HECA: variants seen among roughly 807,000 people sequenced by gnomAD.
The protein encoded by HECA is HECA ribonucleoprotein granule regulator, also known as headcase protein homolog.
A neutral mutation model predicts 37.6 loss-of-function variants in HECA; 13 were observed. The ratio of observed to expected loss-of-function variants is 0.35; its 90% CI spans 0.23 to 0.55. The LOEUF is 0.55. Among genes scored for constraint, HECA ranks in the 20% least tolerant of loss-of-function variants. HECA has a pLI of 0.90. For synonymous variants in HECA, 307 were observed against 291.5 expected, an observed-to-expected ratio of 1.05 and a Z score of -0.54; for missense variants, 527 against 701.9, an observed-to-expected ratio of 0.75 and a Z score of 2.82.
intron 1 of HECA, among the ~76,000 whole-genome samples, chr6:139,140,120 C>G (rs903957445): frequency 1.3e-5 from 2 of 152,156 alleles, no homozygotes. Flanking sequence ...ACTAAAGACA[C>G]TTTTTATAAC....
intron 1 of HECA, among the ~76,000 whole-genome samples, chr6:139,155,210 C>T (rs9403046): frequency 0.71 from 108,073 of 152,110 alleles, 39,651 homozygotes; most frequent in African/African-American, 0.86. Context: ...AACACAATGG[C>T]ATTTATGCAT....
chr6:139,145,600 A>C (rs1774576016), intron 1 of HECA, among the ~76,000 whole-genome samples: 1 of 152,220 alleles, frequency 6.6e-6, no homozygotes. Context: ...TCTTAGGCTT[A>C]GTGATTGAGG....
intron 1 of HECA, among the ~76,000 whole-genome samples, chr6:139,151,865 A>G (rs995931789): frequency 1.3e-5 from 2 of 152,202 alleles, no homozygotes; most frequent in Admixed American, 1.3e-4. Context: ...CAGCCTCTCC[A>G]TATAAGCTGG....
rs754422841 is a variant in HECA, at chr6:139,167,028, C to T, written c.1016C>T (p.Thr339Ile). The T allele has an allele frequency of 2.5e-6, 4 of 1,614,184 alleles. No individual in the cohort carries two copies. In the South Asian group the frequency reaches 4.4e-5, roughly 18 times the overall value. ...GTTCACAGGGGGGGACACTTCGACA[C>T]CCCCGTGCAGTTCCTTCGGCGGCTG... ...LAVHRGGHFD[T>I]PVQFLRRLDL... The change falls in exon 2 of 4, where the codon ACC becomes ATC. Residue 339 changes from threonine (T) to isoleucine (I), a missense_variant. By Grantham distance (89) the Thr-to-Ile change is moderately conservative. Coordinates refer to ENST00000367658, the MANE Select transcript of HECA (RefSeq NM_016217.3).
chr6:139,167,207 G>T lies in HECA; in HGVS notation c.1195G>T (p.Ala399Ser). Residue 399 changes from alanine (A) to serine (S), a missense_variant, in exon 2 of 4, where the codon GCC becomes TCC. Transcript: ENST00000367658. ...SASHRNVVNC[A>S]LCHRALPVFE... ...CAGCCACAGAAACGTGGTAAACTGT[G>T]CCCTGTGCCACCGGGCGCTCCCGGT... 1 of 1,614,134 alleles carries T rather than the reference G, an allele frequency of 6.2e-7. No homozygotes were observed. Among genetic ancestry groups the T allele is most frequent in the Non-Finnish European group, 8.5e-7 (1 of 1,180,024 alleles).
intron 1 of HECA, among the ~76,000 whole-genome samples, chr6:139,150,544 AT>A (rs1460884602): frequency 2.2e-4 from 34 of 151,344 alleles, no homozygotes; most frequent in East Asian, 1.9e-3. Context: ...AATTTTAAAT[AT>A]TTTTTTCTTG....
At position 139,166,576 on chromosome 6, in the gene HECA, C is replaced by T; in HGVS notation, c.564C>T (p.Asp188=). 1 of 1,614,244 alleles carries T rather than the reference C, an allele frequency of 6.2e-7. No individual in the cohort carries two copies. The highest frequency in any genetic ancestry group is 1.3e-5 in the African/African-American group (1 of 75,068). ...CRCGQGHLKK[D]TDWYQVKRMQ... ...GTGGCCAGGGCCACTTGAAGAAGGA[C>T]ACAGACTGGTATCAGGTGAAGCGGA... The change falls in exon 2 of 4, where the codon GAC becomes GAT. Residue 188 remains aspartate (D), a synonymous_variant. Coordinates refer to ENST00000367658, the MANE Select transcript of HECA (RefSeq NM_016217.3).
At chr6:139,156,346 G>A (rs1489228896) in intron 1 of HECA, among the ~76,000 whole-genome samples, 1 of 152,112 alleles carries the variant, frequency 6.6e-6, no homozygotes, top group Non-Finnish European at 1.5e-5. Flanking sequence ...GGGACTACAG[G>A]CACGTGCCAC....
rs1466946922 is a variant in HECA, at chr6:139,179,169, ATC to A, written c.*2067_*2068del. On this transcript the variant is annotated 3_prime_UTR_variant, in exon 4 of 4. Transcript: ENST00000367658. ...ACAAAGCTGTAGTGGTGAATTAACT[ATC>A]TCCTTATTGATTCTCTCCTGTACCC... is the stretch of plus-strand genomic sequence containing the variant. 4 of 152,206 alleles carry A rather than the reference ATC, an allele frequency of 2.6e-5. No homozygotes were observed. Among genetic ancestry groups the A allele is most frequent in the African/African-American group, 9.6e-5 (4 of 41,460 alleles). 9.4% of individuals were successfully genotyped at this position (152,206 alleles called of 1,614,324 possible).
Position 139,135,542 on chromosome 6 carries a change from G to A in HECA, c.146G>A (p.Gly49Asp). Reference sequence around the variant, plus strand: ...GGGGGGGCCCTGGCGGCGGCGGCCGGTTGCGGGGCGGCGGCGGCGGGCGCG... The same window carrying A: ...GGGGGGGCCCTGGCGGCGGCGGCCGATTGCGGGGCGGCGGCGGCGGGCGCG... ...AAGGALAAAA[G>D]CGAAAAGAPG... Residue 49 changes from glycine to aspartate, a missense_variant, in exon 1 of 4, where the codon GGT becomes GAT. Around this residue, in one of 4 missense-constraint regions of HECA, gnomAD observed 172 missense variants for 197.6 expected, o/e 0.87. Transcript: ENST00000367658. 7.2e-6 allele frequency: 7 copies of A among 977,416 alleles called. No individual in the cohort carries two copies. The highest frequency in any genetic ancestry group is 8.5e-6 in the Non-Finnish European group (7 of 826,470). The allele number at this position is 977,416 out of a possible 1,614,324, so 60.5% of individuals were successfully genotyped here. A position where few individuals can be genotyped will look rare whatever the true frequency, so the allele number is the denominator to read the frequency against.
chr6:139,167,418 G>T, intron 2 of HECA, 94 bp downstream of exon 2: 2 of 1,100,524 alleles, frequency 1.8e-6, no homozygotes, highest in East Asian at 2.4e-5. Flanking sequence ...GTTTTCACCA[G>T]TGTTGTTTTT....
At chr6:139,152,826 G>A (rs4896438) in intron 1 of HECA, among the ~76,000 whole-genome samples, 3 of 152,136 alleles carry the variant, frequency 2.0e-5, no homozygotes, top group South Asian at 2.1e-4. Context: ...AATACTTGCC[G>A]GTTAATCAGG....
chr6:139,157,413 T>TG (rs1774732468), intron 1 of HECA, among the ~76,000 whole-genome samples: 1 of 152,360 alleles, frequency 6.6e-6, no homozygotes, highest in South Asian at 2.1e-4. Flanking sequence ...AAGATAGAGT[T>TG]GCTCTGGTTC....
chr6:139,142,852 G>T (rs1774532108), intron 1 of HECA, among the ~76,000 whole-genome samples: 1 of 152,188 alleles, frequency 6.6e-6, no homozygotes, highest in Non-Finnish European at 1.5e-5. Flanking sequence ...GGAGGCTGAG[G>T]CAGGAGAATC....
intron 3 of HECA, among the ~76,000 whole-genome samples, chr6:139,175,926 G>T (rs1471855342): frequency 2.0e-5 from 3 of 152,252 alleles, no homozygotes; most frequent in Non-Finnish European, 4.4e-5. Context: ...AAATATGTTC[G>T]ATTATTGTTA....
At chr6:139,172,391 T>TTAC (rs760039306) in intron 2 of HECA, among the ~76,000 whole-genome samples, 28 of 152,180 alleles carry the variant, frequency 1.8e-4, no homozygotes, top group Non-Finnish European at 3.7e-4. Flanking sequence ...CCTTTCTGGA[T>TTAC]TACTACTCCC....
At chr6:139,169,055 T>G (rs1774934211) in intron 2 of HECA, among the ~76,000 whole-genome samples, 1 of 152,240 alleles carries the variant, frequency 6.6e-6, no homozygotes, top group Admixed American at 6.5e-5. Context: ...TTACACAGTT[T>G]CCTCTATTTG....
intron 1 of HECA, among the ~76,000 whole-genome samples, chr6:139,139,526 C>G (rs1222006416): frequency 1.3e-5 from 2 of 152,198 alleles, no homozygotes; most frequent in Non-Finnish European, 2.9e-5. Context: ...GGAGAGTGCT[C>G]TTGGCATCAT....
intron 3 of HECA, among the ~76,000 whole-genome samples, chr6:139,175,364 G>A (rs185774116): frequency 1.3e-5 from 2 of 152,246 alleles, no homozygotes; most frequent in Non-Finnish European, 2.9e-5. Flanking sequence ...TACTTCATTA[G>A]TTACTGCATA....
Sources: gnomAD v4.1 joint callset for allele counts (sites outside exome capture counted in the v4.1 genomes callset) on GRCh38, gnomAD v4.1.1 for gene constraint, gnomAD v4.1.1 regional missense constraint, MANE v1.5 for transcripts, NCBI Gene and HGNC (gene_info 2026-07-23, HGNC 2026-07-21) for gene names.